UNC5C: variants seen among roughly 807,000 people sequenced by gnomAD.
UNC5C encodes the protein unc-5 netrin receptor C, also known as netrin receptor UNC5C.
A neutral mutation model predicts 99.8 loss-of-function variants in UNC5C; 47 were observed. The observed-to-expected ratio is 0.47, with a 90% CI of 0.37 to 0.60. The LOEUF is 0.60. Ranked by LOEUF, UNC5C falls within the 20% of genes least tolerant of loss-of-function variation. The pLI is 0.00. For missense variants in UNC5C, 1,062 were observed against 1,165.9 expected (o/e 0.91, Z 1.30); for synonymous variants, 487 against 452.2 (o/e 1.08, Z -0.98).
At chr4:95,265,732 A>G (rs1740421514) in intron 4 of UNC5C, among the ~76,000 whole-genome samples, 1 of 152,140 alleles carries the variant, frequency 6.6e-6, no homozygotes, top group Non-Finnish European at 1.5e-5. Flanking sequence ...TTTTTTTGTT[A>G]TAAGGAAAAC....
At chr4:95,444,413 A>C (rs926969004) in intron 1 of UNC5C, among the ~76,000 whole-genome samples, 1 of 149,774 alleles carries the variant, frequency 6.7e-6, no homozygotes, top group Non-Finnish European at 1.5e-5. Context: ...TCACTGCAGG[A>C]TCCGCCCCCC....
intron 14 of UNC5C, among the ~76,000 whole-genome samples, chr4:95,174,833 G>A (rs1736269764): frequency 6.7e-6 from 1 of 148,150 alleles, no homozygotes; most frequent in South Asian, 2.1e-4. Flanking sequence ...GTCTGATGTT[G>A]ACAGTGGGGT....
intron 1 of UNC5C, among the ~76,000 whole-genome samples, chr4:95,442,767 C>T (rs780200622): frequency 1.2e-4 from 19 of 152,128 alleles, no homozygotes; most frequent in Non-Finnish European, 2.1e-4. Flanking sequence ...TGTATGCAGA[C>T]GTGTCCTTAA....
rs528182785 is a variant in UNC5C, at chr4:95,193,701, A to G, written c.2137-8505T>C. On this transcript the variant is annotated intron_variant, in intron 12 of 15. Coordinates refer to ENST00000453304, the MANE Select transcript of UNC5C (RefSeq NM_003728.4). Reference sequence around the variant, plus strand: ...TCACAGCTGTGGGGGCCTGCACTCCACCGAAGCAGAGGCCAAAAAGAGCGG... The same window carrying G: ...TCACAGCTGTGGGGGCCTGCACTCCGCCGAAGCAGAGGCCAAAAAGAGCGG... Among the ~76,000 whole-genome samples the G allele has an allele frequency of 3.7e-4, 56 of 152,162 alleles. No individual in the cohort carries two copies. The South Asian group carries it at 0.011, about 29-fold the overall frequency.
chr4:95,525,437 C>T (rs1722472688), intron 1 of UNC5C, among the ~76,000 whole-genome samples: 1 of 151,774 alleles, frequency 6.6e-6, no homozygotes, highest in South Asian at 2.1e-4. Context: ...TGGTGTTTTT[C>T]ATTCTAGAAA....
chr4:95,371,425 G>T (rs973039736), intron 1 of UNC5C, among the ~76,000 whole-genome samples: 8 of 47,530 alleles, frequency 1.7e-4, no homozygotes, highest in African/African-American at 5.0e-4. Flanking sequence ...ATATTTTGTG[G>T]GGGGGGGGGA....
At chr4:95,267,260 G>A (rs1305901939) in intron 4 of UNC5C, among the ~76,000 whole-genome samples, 2 of 152,190 alleles carry the variant, frequency 1.3e-5, no homozygotes, top group African/African-American at 4.8e-5. Flanking sequence ...ATGTGTCCCA[G>A]GGTGATTCAT....
chr4:95,499,626 T>C (rs754254808), intron 1 of UNC5C, among the ~76,000 whole-genome samples: 3 of 151,928 alleles, frequency 2.0e-5, no homozygotes, highest in Non-Finnish European at 4.4e-5. Context: ...AGAAGTGAAG[T>C]TGTGGGGAGA....
chr4:95,545,005 T>C (rs1490626101), intron 1 of UNC5C, among the ~76,000 whole-genome samples: 5 of 152,212 alleles, frequency 3.3e-5, no homozygotes, highest in Non-Finnish European at 4.4e-5. Flanking sequence ...CTAGCATACA[T>C]TAGAGAACAG....
intron 14 of UNC5C, among the ~76,000 whole-genome samples, chr4:95,177,874 C>CCT (rs1736435467): frequency 6.8e-6 from 1 of 146,766 alleles, no homozygotes; most frequent in African/African-American, 2.5e-5. Context: ...GCTAATTTGC[C>CCT]TTTTTTTTTT....
chr4:95,275,409 T>G (rs1740825597), intron 4 of UNC5C, among the ~76,000 whole-genome samples: 1 of 152,212 alleles, frequency 6.6e-6, no homozygotes, highest in East Asian at 1.9e-4. Flanking sequence ...GCATATATTA[T>G]CTCATTTAAA....
intron 1 of UNC5C, among the ~76,000 whole-genome samples, chr4:95,444,042 G>A (rs973813618): frequency 7.9e-5 from 12 of 152,080 alleles, no homozygotes; most frequent in South Asian, 6.2e-4. Context: ...TTAATATAGC[G>A]CATCTCCATA....
chr4:95,530,305 C>T (rs1420665302), intron 1 of UNC5C, among the ~76,000 whole-genome samples: 1 of 152,038 alleles, frequency 6.6e-6, no homozygotes, highest in Non-Finnish European at 1.5e-5. Context: ...ATAAGTATTT[C>T]CAAAAATATA....
chr4:95,360,144 T>C (rs116674456), intron 1 of UNC5C, among the ~76,000 whole-genome samples: 5,642 of 152,246 alleles, frequency 0.037, 133 homozygotes, highest in South Asian at 0.053. Context: ...ACGAGAAATA[T>C]ACAGATGTTA....
intron 1 of UNC5C, among the ~76,000 whole-genome samples, chr4:95,515,973 G>A (rs1722207674): frequency 6.6e-6 from 1 of 152,150 alleles, no homozygotes; most frequent in African/African-American, 2.4e-5. Flanking sequence ...CTATGTGCAT[G>A]TATGTATGAA....
At chr4:95,374,122 A>T (rs1428018794) in intron 1 of UNC5C, among the ~76,000 whole-genome samples, 1 of 152,188 alleles carries the variant, frequency 6.6e-6, no homozygotes, top group Non-Finnish European at 1.5e-5. Context: ...ACTCTTCTTA[A>T]TGAATTATGA....
At position 95,400,737 on chromosome 4, in the gene UNC5C, G is replaced by C. The variant is rs1560819746; in HGVS notation, c.125-65106C>G. On this transcript the variant is annotated intron_variant, in intron 1 of 15. Coordinates refer to ENST00000453304, the MANE Select transcript of UNC5C (RefSeq NM_003728.4). ...AACAACCTGAGGTGGCCTAGAAGTG[G>C]ATCAACCTTCCAGTCCCCAACTCCA... Among the ~76,000 whole-genome samples, 5 of 152,118 alleles carry C rather than the reference G, an allele frequency of 3.3e-5. No individual in the cohort carries two copies. In the South Asian group the frequency reaches 1.0e-3, roughly 32 times the overall value.
chr4:95,232,113 A>C (rs1402542140), intron 7 of UNC5C, among the ~76,000 whole-genome samples: 1 of 152,128 alleles, frequency 6.6e-6, no homozygotes, highest in Non-Finnish European at 1.5e-5. Flanking sequence ...GTGAAGCATA[A>C]ATGCCTGAAA....
At chr4:95,511,794 GA>G (rs950542500) in intron 1 of UNC5C, among the ~76,000 whole-genome samples, 3 of 150,926 alleles carry the variant, frequency 2.0e-5, no homozygotes, top group African/African-American at 2.4e-5. Context: ...CAATGCAATG[GA>G]AAAAAAAATC....
Sources: gnomAD v4.1 joint callset for allele counts (sites outside exome capture counted in the v4.1 genomes callset) on GRCh38, gnomAD v4.1.1 for gene constraint, MANE v1.5 for transcripts, NCBI Gene and HGNC (gene_info 2026-07-23, HGNC 2026-07-21) for gene names.